The following CENPP variants were observed in gnomAD, a reference collection of about 807,000 sequenced individuals.
CENPP encodes centromere protein P.
In CENPP, 24 loss-of-function variants were observed where a neutral mutation model predicts 35.6. The observed-to-expected ratio is 0.67, with a 90% CI of 0.49 to 0.95. The LOEUF (loss-of-function observed/expected upper bound fraction) is 0.95. Among genes scored for constraint, CENPP ranks in the 40% least tolerant of loss-of-function variants. The pLI is 0.00. For missense variants in CENPP, 332 were observed against 345.3 expected, an observed-to-expected ratio of 0.96 and a Z score of 0.31; for synonymous variants, 120 against 125.5, an observed-to-expected ratio of 0.96 and a Z score of 0.29.
chr9:92,602,787 TCTC>T (rs1346436550), intron 5 of CENPP, among the ~76,000 whole-genome samples: 2 of 150,476 alleles, frequency 1.3e-5, no homozygotes, highest in African/African-American at 4.9e-5. Context: ...AGCTTCTCAT[TCTC>T]CTCGTATACT....
chr9:92,553,522 T>C (rs1185037771), intron 5 of CENPP, among the ~76,000 whole-genome samples: 1 of 152,212 alleles, frequency 6.6e-6, no homozygotes, highest in Non-Finnish European at 1.5e-5. Context: ...ACAATATTGA[T>C]TCTACCCATC....
chr9:92,607,726 G>A (rs1250575025), intron 5 of CENPP, among the ~76,000 whole-genome samples: 1 of 152,180 alleles, frequency 6.6e-6, no homozygotes, highest in African/African-American at 2.4e-5. Flanking sequence ...GGGAGACATA[G>A]CATTCCTCTT....
At chr9:92,481,613 A>G (rs1436350756) in intron 5 of CENPP, among the ~76,000 whole-genome samples, 1 of 152,230 alleles carries the variant, frequency 6.6e-6, no homozygotes, top group Non-Finnish European at 1.5e-5. Context: ...TAGACAAAGG[A>G]AATCTTTGAA....
chr9:92,386,278 A>AG, intron 5 of CENPP: 1 of 1,613,040 alleles, frequency 6.2e-7, no homozygotes, highest in Non-Finnish European at 8.5e-7. Flanking sequence ...AAGTAGAGGA[A>AG]GGTGAGGTTA....
At chr9:92,441,757 GA>G (rs545147731) in intron 5 of CENPP, among the ~76,000 whole-genome samples, 6 of 151,934 alleles carry the variant, frequency 3.9e-5, no homozygotes, top group Non-Finnish European at 8.8e-5. Context: ...AGACTCTTAG[GA>G]AACAAAGCAA....
chr9:92,434,388 CA>C (rs57677848), intron 5 of CENPP, among the ~76,000 whole-genome samples: 1,462 of 97,230 alleles, frequency 0.015, 10 homozygotes, highest in East Asian at 0.09. Flanking sequence ...GACTCTGTCT[CA>C]AAAAAAAAAA....
chr9:92,333,625 A>G (rs565460768), intron 2 of CENPP, among the ~76,000 whole-genome samples: 1 of 152,238 alleles, frequency 6.6e-6, no homozygotes, highest in Non-Finnish European at 1.5e-5. Flanking sequence ...CTAAGTAGTT[A>G]TAGGAGTTTC....
In CENPP at chr9:92,517,367, C is replaced by G. The variant is rs369947460; in HGVS notation, c.565-93947C>G. ...ATGCACATATAGACCAAAGCAGAGC[C>G]CTTAATGCAATAAGAATTCAGGATC... On this transcript the variant is annotated intron_variant, in intron 5 of 7. Coordinates refer to ENST00000375587, the MANE Select transcript of CENPP (RefSeq NM_001012267.3). The G allele has an allele frequency of 1.4e-5, 7 of 516,182 alleles. No homozygotes were observed. In the East Asian group the frequency reaches 2.4e-4, roughly 17 times the overall value. The allele number at this position is 516,182 out of a possible 1,614,324, so 32.0% of individuals were successfully genotyped here.
intron 5 of CENPP, among the ~76,000 whole-genome samples, chr9:92,453,339 G>T (rs951616766): frequency 1.3e-5 from 2 of 152,112 alleles, no homozygotes; most frequent in African/African-American, 4.8e-5. Flanking sequence ...CTTTATTTCT[G>T]CCTTCATTTC....
chr9:92,517,286 T>G, intron 5 of CENPP: 1 of 244,238 alleles, frequency 4.1e-6, no homozygotes. Flanking sequence ...CACTCTTCCT[T>G]TGTTTACCCT....
intron 5 of CENPP, among the ~76,000 whole-genome samples, chr9:92,404,877 T>C (rs775526319): frequency 4.6e-5 from 7 of 152,194 alleles, no homozygotes; most frequent in Admixed American, 2.0e-4. Flanking sequence ...TTCATTTTGG[T>C]GATTTCCCAG....
chr9:92,578,296 G>A (rs1374161940), intron 5 of CENPP, among the ~76,000 whole-genome samples: 1 of 152,042 alleles, frequency 6.6e-6, no homozygotes, highest in African/African-American at 2.4e-5. Context: ...ATGATTTATA[G>A]TCCTTTGGGT....
At chr9:92,331,583 AGTCCT>A (rs1484146775) in intron 1 of CENPP, among the ~76,000 whole-genome samples, 4 of 152,264 alleles carry the variant, frequency 2.6e-5, no homozygotes, top group Non-Finnish European at 4.4e-5. Context: ...TTTGCAAAGT[AGTCCT>A]GTTATAATTT....
At chr9:92,377,510 C>T (rs971208599) in intron 4 of CENPP, among the ~76,000 whole-genome samples, 9 of 152,138 alleles carry the variant, frequency 5.9e-5, no homozygotes, top group Non-Finnish European at 1.2e-4. Flanking sequence ...GGGAGTGTGG[C>T]AAGGGTATCT....
intron 5 of CENPP, among the ~76,000 whole-genome samples, chr9:92,465,647 C>A (rs182742696): frequency 6.6e-6 from 1 of 152,010 alleles, no homozygotes; most frequent in African/African-American, 2.4e-5. Flanking sequence ...TTCCTCACAT[C>A]GATAATCTTA....
chr9:92,345,874 T>A (rs1165832378), intron 4 of CENPP, 87 bp downstream of exon 4: 6 of 742,086 alleles, frequency 8.1e-6, no homozygotes, highest in Non-Finnish European at 1.4e-5. Context: ...CTCTTCTTAG[T>A]AAGTAAATAG....
chr9:92,333,745 C>T (rs1327824589), intron 2 of CENPP, among the ~76,000 whole-genome samples: 5 of 151,354 alleles, frequency 3.3e-5, no homozygotes, highest in South Asian at 2.1e-4. Context: ...TTTATTTTTT[C>T]GAGATGGAGT....
Position 92,615,535 on chromosome 9 carries a change from C to A in CENPP, c.*2386C>A. 1 of 343,026 alleles carries A rather than the reference C, an allele frequency of 2.9e-6. No homozygotes were observed. Among genetic ancestry groups the A allele is most frequent in the Non-Finnish European group, 5.4e-6 (1 of 184,578 alleles). The allele number at this position is 343,026 out of a possible 1,614,324, so 21.2% of individuals were successfully genotyped here. ...AGGCTTTTCGCATTAGAGAATCAGA[C>A]ATGAGCCCTGGTTGGGAAAGAAGAA... On this transcript the variant is annotated 3_prime_UTR_variant, in exon 8 of 8. Transcript: ENST00000375587.
At chr9:92,583,421 T>C (rs1002877606) in intron 5 of CENPP, among the ~76,000 whole-genome samples, 52 of 152,362 alleles carry the variant, frequency 3.4e-4, no homozygotes, top group African/African-American at 1.2e-3. Flanking sequence ...TTTGTACCTA[T>C]TAATCTGTCG....
Sources: gnomAD v4.1 joint callset for allele counts (sites outside exome capture counted in the v4.1 genomes callset) on GRCh38, gnomAD v4.1.1 for gene constraint, MANE v1.5 for transcripts, NCBI Gene and HGNC (gene_info 2026-07-23, HGNC 2026-07-21) for gene names.